The following HS6ST2 variants were observed in gnomAD, a reference collection of about 807,000 sequenced individuals.
HS6ST2 encodes heparan-sulfate 6-O-sulfotransferase 2.
HS6ST2 carries 17 observed loss-of-function variants against 33.0 expected under a neutral mutation model. The observed-to-expected ratio is 0.52, with a 90% CI of 0.35 to 0.77. HS6ST2 has a LOEUF of 0.77. HS6ST2 is among the 30% of genes least tolerant of loss of function. HS6ST2 has a pLI of 0.01. For synonymous variants in HS6ST2, 248 were observed against 237.1 expected (o/e 1.05, Z -0.42); for missense variants, 519 against 551.7 (o/e 0.94, Z 0.59).
chrX:132,787,383 C>T (rs1439896759), intron 2 of HS6ST2, among the ~76,000 whole-genome samples: 4 of 97,834 alleles, frequency 4.1e-5, no homozygotes, highest in African/African-American at 1.5e-4. Context: ...ACCTCCATCT[C>T]CCAGATTCAA....
rs757716897 is a variant in HS6ST2, at chrX:132,653,244, T to C, written c.1067+15869A>G. 2.7e-5 allele frequency among the ~76,000 whole-genome samples: 3 copies of C among 111,887 alleles called. No individual in the cohort carries two copies. In the South Asian group the frequency reaches 1.1e-3, roughly 42 times the overall value. On this transcript the variant is annotated intron_variant, in intron 4 of 4. Coordinates refer to ENST00000370833, the MANE Select transcript of HS6ST2 (RefSeq NM_001394073.1). ...AGCTCTAGGTTTCACCGAAAGAGATTTGCTTATAGCCCTATTCAAAAAACA... is the reference window on the plus strand; with the variant it reads ...AGCTCTAGGTTTCACCGAAAGAGATCTGCTTATAGCCCTATTCAAAAAACA...
intron 3 of HS6ST2, among the ~76,000 whole-genome samples, chrX:132,692,933 G>A (rs897753541): frequency 8.1e-5 from 9 of 111,212 alleles, no homozygotes; most frequent in Non-Finnish European, 1.5e-4. Context: ...TGTGGTTCTC[G>A]GCAAATGTTT....
intron 2 of HS6ST2, among the ~76,000 whole-genome samples, chrX:132,775,506 G>A (rs1285970497): frequency 1.8e-5 from 2 of 111,925 alleles, no homozygotes; most frequent in Non-Finnish European, 3.8e-5. Flanking sequence ...GGTACATTGA[G>A]TATTTCCTTT....
At chrX:132,870,723 C>A (rs1180530662) in intron 2 of HS6ST2, among the ~76,000 whole-genome samples, 1 of 111,553 alleles carries the variant, frequency 9.0e-6, no homozygotes, top group Non-Finnish European at 1.9e-5. Flanking sequence ...ATGCAGAAAA[C>A]TGAAACTGGG....
At chrX:132,809,498 T>C in intron 2 of HS6ST2, among the ~76,000 whole-genome samples, 1 of 112,288 alleles carries the variant, frequency 8.9e-6, no homozygotes, top group Non-Finnish European at 1.9e-5. Context: ...AAAAGCATCA[T>C]GGTCCCTGCC....
chrX:132,670,120 G>C lies in HS6ST2; in HGVS notation c.981-921C>G, dbSNP rs1271324216. Among the ~76,000 whole-genome samples, 4 of 109,353 alleles carry C rather than the reference G, an allele frequency of 3.7e-5. No homozygotes were observed. The East Asian group carries it at 1.1e-3, about 31-fold the overall frequency. The allele number at this position is 109,353 out of a possible 115,157, so 95.0% of individuals were successfully genotyped here. A position where few individuals can be genotyped will look rare whatever the true frequency, so the allele number is the denominator to read the frequency against. ...AAGATTTTTTTTTTTTTGTTAGTAAGTTCTACGTCAGCATAACCTTTTATA... is the reference window on the plus strand; with the variant it reads ...AAGATTTTTTTTTTTTTGTTAGTAACTTCTACGTCAGCATAACCTTTTATA... On this transcript the variant is annotated intron_variant, in intron 3 of 4. Transcript: ENST00000370833.
chrX:132,865,904 G>T (rs1256364943), intron 2 of HS6ST2, among the ~76,000 whole-genome samples: 1 of 111,221 alleles, frequency 9.0e-6, no homozygotes, highest in African/African-American at 3.3e-5. Context: ...AGCAGGTTGC[G>T]AAAATTTTCT....
At chrX:132,668,961 C>T (rs182074743) in intron 4 of HS6ST2, among the ~76,000 whole-genome samples, 152 bp downstream of exon 4, 128 of 111,527 alleles carry the variant, frequency 1.1e-3, no homozygotes, top group African/African-American at 4.0e-3. Flanking sequence ...ATGCCTTGCT[C>T]GTTTCAATTC....
chrX:132,651,772 T>A (rs1217963445), intron 4 of HS6ST2, among the ~76,000 whole-genome samples: 1 of 111,676 alleles, frequency 9.0e-6, no homozygotes, highest in African/African-American at 3.3e-5. Context: ...CTGCTGGGCC[T>A]GCCTGCCTCC....
intron 4 of HS6ST2, among the ~76,000 whole-genome samples, chrX:132,661,181 G>A (rs1210607031): frequency 1.8e-5 from 2 of 110,885 alleles, no homozygotes; most frequent in African/African-American, 6.6e-5. Context: ...ATTCAACACT[G>A]TACTAAAGGC....
intron 2 of HS6ST2, among the ~76,000 whole-genome samples, chrX:132,890,884 G>A (rs925119260): frequency 1.8e-5 from 2 of 111,336 alleles, no homozygotes; most frequent in Admixed American, 1.9e-4. Flanking sequence ...AAGGCCTAGT[G>A]CATTTATTTT....
At chrX:132,680,280 G>A (rs767652268) in intron 3 of HS6ST2, among the ~76,000 whole-genome samples, 2 of 111,083 alleles carry the variant, frequency 1.8e-5, no homozygotes, top group South Asian at 3.9e-4. Flanking sequence ...GGCTTCAGCC[G>A]GTCCCTCTGT....
chrX:132,739,490 G>A lies in HS6ST2; in HGVS notation c.948-30996C>T, dbSNP rs142941985. The stretch of plus-strand genomic sequence containing the variant: ...AGCACTTTGGGAGGCCGAGGCAGAC[G>A]GATCACTTGAGGTCAGGAGATCGAG... On this transcript the variant is annotated intron_variant, in intron 2 of 4. Transcript: ENST00000370833. Among the ~76,000 whole-genome samples the A allele has an allele frequency of 3.4e-3, 375 of 111,010 alleles. 1 individual carries two copies. Among genetic ancestry groups the A allele is most frequent in the Non-Finnish European group, 5.4e-3 (286 of 53,003 alleles).
At chrX:132,856,833 A>G (rs902032952) in intron 2 of HS6ST2, among the ~76,000 whole-genome samples, 4 of 112,073 alleles carry the variant, frequency 3.6e-5, no homozygotes, top group African/African-American at 9.7e-5. Context: ...CTTTGAGAGG[A>G]TATTTACTAT....
rs183216929 is a variant in HS6ST2 at position 132,651,680 on chromosome X, G to A, written c.1067+17433C>T. Among the ~76,000 whole-genome samples, 5 of 111,783 alleles carry A rather than the reference G, an allele frequency of 4.5e-5. No individual in the cohort carries two copies. The East Asian group carries it at 1.4e-3, about 32-fold the overall frequency. On this transcript the variant is annotated intron_variant, in intron 4 of 4. Coordinates refer to ENST00000370833, the MANE Select transcript of HS6ST2 (RefSeq NM_001394073.1). ...ACACATTTGGCTTATAGCAGGTTTT[G>A]AAAACCAGACTCCATAAAAAGGGCC...
At position 132,754,621 on chromosome X, in the gene HS6ST2, G is replaced by A. The variant is rs150686219; in HGVS notation, c.948-46127C>T. Reference sequence around the variant, plus strand: ...TTTAGTAGAGACTGGGTTTCACCATGTTAGCCAGGATGGTCTTGATCTCTG... The same window carrying A: ...TTTAGTAGAGACTGGGTTTCACCATATTAGCCAGGATGGTCTTGATCTCTG... On this transcript the variant is annotated intron_variant, in intron 2 of 4. Transcript: ENST00000370833. 6.5e-3 allele frequency among the ~76,000 whole-genome samples: 710 copies of A among 109,368 alleles called. 7 individuals carry two copies. The highest frequency in any genetic ancestry group is 0.022 in the African/African-American group (664 of 30,017). The allele number at this position is 109,368 out of a possible 115,157, so 95.0% of individuals were successfully genotyped here.
At chrX:132,957,589 C>A (rs1295650874) in intron 1 of HS6ST2, among the ~76,000 whole-genome samples, 2 of 110,446 alleles carry the variant, frequency 1.8e-5, no homozygotes, top group Non-Finnish European at 3.8e-5. Context: ...CCCCTCCCCC[C>A]GCCAGAGCTC....
intron 2 of HS6ST2, among the ~76,000 whole-genome samples, chrX:132,746,377 C>T (rs2064644109): frequency 9.1e-6 from 1 of 110,475 alleles, no homozygotes; most frequent in African/African-American, 3.3e-5. Context: ...GTGGCGGGCG[C>T]CTGTAGTCCC....
intron 3 of HS6ST2, among the ~76,000 whole-genome samples, chrX:132,677,228 G>A (rs776474210): frequency 2.7e-5 from 3 of 112,114 alleles, no homozygotes; most frequent in East Asian, 2.8e-4. Context: ...ATTAGCACAC[G>A]GAGAACAAAG....
Sources: gnomAD v4.1 joint callset for allele counts (sites outside exome capture counted in the v4.1 genomes callset) on GRCh38, gnomAD v4.1.1 for gene constraint, MANE v1.5 for transcripts, NCBI Gene and HGNC (gene_info 2026-07-23, HGNC 2026-07-21) for gene names.